Variants in DSG1 observed in about 807,000 individuals in gnomAD.
DSG1 encodes desmoglein 1.
A neutral mutation model predicts 97.5 loss-of-function variants in DSG1; 39 were observed. The observed-to-expected ratio is 0.40, with a 90% CI of 0.31 to 0.52. The LOEUF is 0.52. Ranked by LOEUF, DSG1 falls within the 20% of genes least tolerant of loss-of-function variation. The probability of loss-of-function intolerance (pLI) is 0.53; values close to 1 mark genes in which losing one functional copy is unlikely to be tolerated. For synonymous variants in DSG1, 475 were observed against 443.4 expected (o/e 1.07, Z -0.90); for missense variants, 1,311 against 1,295.4 (o/e 1.01, Z -0.18).
intron 1 of DSG1, among the ~76,000 whole-genome samples, chr18:31,321,106 A>G (rs1324971901): frequency 7.3e-6 from 1 of 136,310 alleles, no homozygotes; most frequent in Non-Finnish European, 1.7e-5. Flanking sequence ...GAAACAAACA[A>G]ACAAAAAAAA....
At position 31,330,007 on chromosome 18, in the gene DSG1, C is replaced by T. The variant is rs1274603912; in HGVS notation, c.488C>T (p.Ala163Val). ...NPPVFSMATF[A>V]GQIEENSNAN... ...CCAGTGTTTTCAATGGCTACATTTG[C>T]AGGACAAATAGAAGAAAATTCTAAT... The change falls in exon 5 of 15, where the codon GCA becomes GTA. Residue 163 changes from alanine to valine, a missense_variant. Around this residue, in one of 3 missense-constraint regions of DSG1, gnomAD observed 259 missense variants for 304.1 expected, o/e 0.85. Coordinates refer to ENST00000257192, the MANE Select transcript of DSG1 (RefSeq NM_001942.4). The T allele has an allele frequency of 2.5e-6, 4 of 1,613,156 alleles. No individual in the cohort carries two copies. Among genetic ancestry groups the T allele is most frequent in the Non-Finnish European group, 2.5e-6 (3 of 1,179,290 alleles).
Position 31,355,126 on chromosome 18 carries a change from G to A in DSG1, c.2930G>A (p.Ser977Asn), listed in dbSNP as rs2144128480. 6.2e-7 allele frequency: 1 copy of A among 1,613,406 alleles called. No homozygotes were observed. Among genetic ancestry groups the A allele is most frequent in the Non-Finnish European group, 8.5e-7 (1 of 1,179,394 alleles). The change falls in exon 15 of 15, where the codon AGT becomes AAT. Residue 977 changes from serine (S) to asparagine (N), a missense_variant. Around this residue, in one of 3 missense-constraint regions of DSG1, gnomAD observed 1,038 missense variants for 964.6 expected, o/e 1.08. Coordinates refer to ENST00000257192, the MANE Select transcript of DSG1 (RefSeq NM_001942.4). Reference protein sequence around the residue: ...TTGISGGIGSSGLVGTSMGAG... With the variant: ...TTGISGGIGSNGLVGTSMGAG... ...GGGATCAGCGGTGGCATAGGCAGCA[G>A]TGGCCTGGTTGGCACCAGCATGGGT...
chr18:31,343,847 G>A, intron 12 of DSG1, 79 bp from the exon 13 acceptor site: 1 of 1,288,592 alleles, frequency 7.8e-7, no homozygotes, highest in South Asian at 1.3e-5. Flanking sequence ...GGTAATTTAA[G>A]AATAAACCAA....
chr18:31,343,411 C>A, intron 11 of DSG1, 39 bp from the exon 12 acceptor site: 1 of 1,613,538 alleles, frequency 6.2e-7, no homozygotes, highest in Non-Finnish European at 8.5e-7. Context: ...TTATTTGCAC[C>A]CAGTGCTAAC....
Position 31,326,941 on chromosome 18 carries a change from G to T in DSG1, c.152G>T (p.Trp51Leu). Reference sequence around the variant, plus strand: ...TCAATCCGAAGGCAGAAACGTGAATGGATCAAGTTCGCAGCAGCCTGTCGT... The same window carrying T: ...TCAATCCGAAGGCAGAAACGTGAATTGATCAAGTTCGCAGCAGCCTGTCGT... ...WHSIRRQKREWIKFAAACREG... is the reference protein window; with the variant it reads ...WHSIRRQKRELIKFAAACREG... Residue 51 changes from tryptophan to leucine, a missense_variant, in exon 3 of 15, where the codon TGG (tryptophan) becomes TTG (leucine). Physicochemically the swap from Trp to Leu is moderately conservative, Grantham distance 61. This residue lies in a region of DSG1 where 259 missense variants were observed against 304.1 expected (regional missense o/e 0.85). Transcript: ENST00000257192. 6.2e-7 allele frequency: 1 copy of T among 1,613,938 alleles called. No individual in the cohort carries two copies. The highest frequency in any genetic ancestry group is 8.5e-7 in the Non-Finnish European group (1 of 1,179,892).
chr18:31,343,285 A>C, intron 11 of DSG1, 165 bp from the exon 12 acceptor site: 2 of 936,240 alleles, frequency 2.1e-6, no homozygotes, highest in Non-Finnish European at 3.4e-6. Flanking sequence ...GCTCCCATTT[A>C]CTTTGGGGTC....
chr18:31,347,677 T>C (rs1301333316), intron 14 of DSG1: 1 of 152,238 alleles, frequency 6.6e-6, no homozygotes, highest in Non-Finnish European at 1.5e-5. Context: ...GCTTTTACTT[T>C]GAATTTAGAG....
chr18:31,337,824 G>A (rs905552273), intron 9 of DSG1, among the ~76,000 whole-genome samples: 3 of 152,176 alleles, frequency 2.0e-5, no homozygotes, highest in Non-Finnish European at 4.4e-5. Context: ...GAGGCTCAAG[G>A]CAAGGCCTTA....
Position 31,336,466 on chromosome 18 carries a change from C to G in DSG1, c.1118C>G (p.Ser373Cys), listed in dbSNP as rs770787310. The change falls in exon 9 of 15, where the codon TCT (serine) becomes TGT (cysteine). Residue 373 changes from serine to cysteine, a missense_variant. Physicochemically the swap from Ser to Cys is moderately radical, Grantham distance 112. Transcript: ENST00000257192. ...TATAAACTGAAAGCATCTGCAATTT[C>G]TGTGACTGTGTTAAATGTAATTGAA... ...SQYKLKASAI[S>C]VTVLNVIEGP... 1 of 1,613,884 alleles carries G rather than the reference C, an allele frequency of 6.2e-7. No individual in the cohort carries two copies.
chr18:31,335,529 T>A (rs1458203572), intron 8 of DSG1, among the ~76,000 whole-genome samples: 3 of 150,776 alleles, frequency 2.0e-5, no homozygotes, highest in Non-Finnish European at 1.5e-5. Flanking sequence ...ATATATATAT[T>A]ATGTGTGTGT....
intron 7 of DSG1, 143 bp from the exon 8 acceptor site, chr18:31,333,874 A>AATGGAGT (rs1348464069): frequency 1.7e-6 from 2 of 1,171,796 alleles, no homozygotes; most frequent in Non-Finnish European, 2.5e-6. Flanking sequence ...TGCAAGAATA[A>AATGGAGT]ATGGAGTTAA....
At position 31,355,415 on chromosome 18, in the gene DSG1, C is replaced by T; in HGVS notation, c.*69C>T. 6.8e-7 allele frequency: 1 copy of T among 1,461,334 alleles called. No homozygotes were observed. The highest frequency in any genetic ancestry group is 9.5e-7 in the Non-Finnish European group (1 of 1,052,704). 90.5% of individuals were successfully genotyped at this position (1,461,334 alleles called of 1,614,324 possible). On this transcript the variant is annotated 3_prime_UTR_variant, in exon 15 of 15. Transcript: ENST00000257192. The stretch of plus-strand genomic sequence containing the variant: ...CCAATTCCCACCACTAAAAAACCAA[C>T]AATGTGATTTATAACGCACAACTTC...
At chr18:31,337,770 G>A (rs1389370374) in intron 9 of DSG1, among the ~76,000 whole-genome samples, 1 of 152,158 alleles carries the variant, frequency 6.6e-6, no homozygotes, top group Non-Finnish European at 1.5e-5. Context: ...AATAATAGAT[G>A]AGAAGAAAAA....
chr18:31,330,191 A>G (rs1194004469), intron 5 of DSG1, among the ~76,000 whole-genome samples, 155 bp downstream of exon 5: 1 of 152,102 alleles, frequency 6.6e-6, no homozygotes, highest in Non-Finnish European at 1.5e-5. Context: ...AGCAGCTCCA[A>G]ACTGAGGGAC....
At chr18:31,319,961 T>C (rs1057094913) in intron 1 of DSG1, among the ~76,000 whole-genome samples, 2 of 152,094 alleles carry the variant, frequency 1.3e-5, no homozygotes, top group South Asian at 4.1e-4. Flanking sequence ...CCTTATTTTA[T>C]ATTGAAATTA....
chr18:31,320,768 T>A (rs1192813715), intron 1 of DSG1, among the ~76,000 whole-genome samples: 1 of 152,192 alleles, frequency 6.6e-6, no homozygotes, highest in African/African-American at 2.4e-5. Context: ...ACAATGCTTC[T>A]TATGCACCAA....
At chr18:31,342,541 G>T (rs1343607824) in intron 11 of DSG1, among the ~76,000 whole-genome samples, 2 of 151,868 alleles carry the variant, frequency 1.3e-5, no homozygotes, top group Non-Finnish European at 2.9e-5. Context: ...CATTTACCAA[G>T]ATTAGATTAT....
At chr18:31,340,516 G>A (rs572584773) in intron 11 of DSG1, among the ~76,000 whole-genome samples, 2 of 150,482 alleles carry the variant, frequency 1.3e-5, no homozygotes, top group African/African-American at 4.9e-5. Flanking sequence ...GCCGAGGCAG[G>A]AGAAGTGCTT....
chr18:31,354,432 A>G lies in DSG1; in HGVS notation c.2236A>G (p.Ser746Gly). 1 of 1,614,204 alleles carries G rather than the reference A, an allele frequency of 6.2e-7. No homozygotes were observed. The highest frequency in any genetic ancestry group is 2.2e-5 in the East Asian group (1 of 44,886). The change falls in exon 15 of 15, where the codon AGC becomes GGC. Residue 746 changes from serine to glycine, a missense_variant. Ser to Gly is a moderately conservative substitution (Grantham distance 56). This residue lies in a region of DSG1 where 1,038 missense variants were observed against 964.6 expected (regional missense o/e 1.08). Transcript: ENST00000257192. The part of the protein sequence containing the change: ...CSFIGEDLDD[S>G]FLDTLGPKFK... The stretch of plus-strand genomic sequence containing the variant: ...CTTCATTGGAGAAGACCTGGATGAC[A>G]GCTTCTTGGATACCCTGGGACCTAA...
Sources: gnomAD v4.1 joint callset for allele counts (sites outside exome capture counted in the v4.1 genomes callset) on GRCh38, gnomAD v4.1.1 for gene constraint, gnomAD v4.1.1 regional missense constraint, MANE v1.5 for transcripts, NCBI Gene and HGNC (gene_info 2026-07-23, HGNC 2026-07-21) for gene names.